The following BRINP2 variants were observed in gnomAD, a reference collection of about 807,000 sequenced individuals.
BRINP2 encodes BMP/retinoic acid inducible neural specific 2.
BRINP2 carries 21 observed loss-of-function variants against 69.2 expected under a neutral mutation model. The ratio of observed to expected loss-of-function variants is 0.30; its 90% CI spans 0.22 to 0.44. The LOEUF (loss-of-function observed/expected upper bound fraction) is 0.44, where lower values mean the gene tolerates loss of function less well. Among genes scored for constraint, BRINP2 ranks in the 20% least tolerant of loss-of-function variants. The pLI, the probability that BRINP2 is intolerant of heterozygous loss-of-function variation, is 1.00. For synonymous variants in BRINP2, 380 were observed against 394.1 expected, an observed-to-expected ratio of 0.96 and a Z score of 0.42; for missense variants, 877 against 986.0, an observed-to-expected ratio of 0.89 and a Z score of 1.48.
rs1651667336 is a variant in BRINP2 at position 177,280,682 on chromosome 1, T to C, written c.1506T>C (p.Phe502=). ...AGGTGGCCGAGTCCCTGGAAAACTT[T>C]CTTGGGCTGGAGACAGACTTGCAGG... ...RPEVAESLEN[F]LGLETDLQDL... Residue 502 remains phenylalanine (F), a synonymous_variant, in exon 8 of 8, where the codon TTT becomes TTC. Coordinates refer to ENST00000361539, the MANE Select transcript of BRINP2 (RefSeq NM_021165.4). 1.9e-6 allele frequency: 3 copies of C among 1,614,222 alleles called. No homozygotes were observed. Among genetic ancestry groups the C allele is most frequent in the Non-Finnish European group, 2.5e-6 (3 of 1,180,032 alleles).
At chr1:177,278,926 T>A in intron 7 of BRINP2, 141 bp downstream of exon 7, 2 of 752,764 alleles carry the variant, frequency 2.7e-6, no homozygotes, top group Non-Finnish European at 4.3e-6. Context: ...GACCTACTCA[T>A]GTGTGTCATT....
intron 1 of BRINP2, among the ~76,000 whole-genome samples, chr1:177,180,564 C>T (rs1648215947): frequency 6.6e-6 from 1 of 152,164 alleles, no homozygotes; most frequent in African/African-American, 2.4e-5. Context: ...TGGTTTTCAT[C>T]TCTCAAAAAA....
Position 177,255,962 on chromosome 1 carries a change from A to C in BRINP2, c.313A>C (p.Lys105Gln). ...WKVNNLALERKDFFSLPLPLA... is the reference protein window; with the variant it reads ...WKVNNLALERQDFFSLPLPLA... ...GGTGAACAACTTGGCTCTGGAAAGG[A>C]AGGACTTCTTCAGTTTGCCATTGCC... The change falls in exon 3 of 8, where the codon AAG becomes CAG. Residue 105 changes from lysine to glutamine, a missense_variant. Lys to Gln is a moderately conservative substitution (Grantham distance 53). Coordinates refer to ENST00000361539, the MANE Select transcript of BRINP2 (RefSeq NM_021165.4). 6.2e-6 allele frequency: 10 copies of C among 1,614,222 alleles called. No homozygotes were observed. Among genetic ancestry groups the C allele is most frequent in the Non-Finnish European group, 8.5e-6 (10 of 1,180,036 alleles).
At chr1:177,277,012 C>T (rs537998193) in intron 6 of BRINP2, among the ~76,000 whole-genome samples, 1 of 152,262 alleles carries the variant, frequency 6.6e-6, no homozygotes, top group South Asian at 2.1e-4. Context: ...GAATGGAAGG[C>T]TCACATGAGA....
intron 1 of BRINP2, among the ~76,000 whole-genome samples, chr1:177,220,483 T>C (rs1018013293): frequency 3.9e-5 from 6 of 152,146 alleles, no homozygotes; most frequent in Non-Finnish European, 5.9e-5. Context: ...CCATGTGATG[T>C]GCCTGTACCC....
At chr1:177,174,510 A>G (rs983221037) in intron 1 of BRINP2, among the ~76,000 whole-genome samples, 3 of 152,238 alleles carry the variant, frequency 2.0e-5, no homozygotes, top group African/African-American at 7.2e-5. Context: ...CAGAGAATTC[A>G]CAAGGCTGAC....
intron 2 of BRINP2, among the ~76,000 whole-genome samples, chr1:177,254,658 T>C (rs1423196038): frequency 9.9e-5 from 15 of 151,692 alleles, no homozygotes; most frequent in Admixed American, 6.6e-5. Context: ...CAAATTGTGA[T>C]TATTCAGACT....
intron 1 of BRINP2, among the ~76,000 whole-genome samples, chr1:177,189,746 A>C (rs1648533517): frequency 6.6e-6 from 1 of 152,204 alleles, no homozygotes; most frequent in South Asian, 2.1e-4. Flanking sequence ...TGATGGAGTA[A>C]GACATTGTGC....
At position 177,281,144 on chromosome 1, in the gene BRINP2, C is replaced by T; in HGVS notation, c.1968C>T (p.Ser656=). Residue 656 remains serine, a synonymous_variant, in exon 8 of 8, where the codon AGC becomes AGT. Transcript: ENST00000361539. ...LRSRIKSLDD[S]SNETIYYEPL... ...GCCGAATCAAGTCCCTGGATGACAG[C>T]TCCAATGAGACAATCTACTATGAGC... 1 of 1,614,238 alleles carries T rather than the reference C, an allele frequency of 6.2e-7. No individual in the cohort carries two copies. Among genetic ancestry groups the T allele is most frequent in the Non-Finnish European group, 8.5e-7 (1 of 1,180,044 alleles).
At chr1:177,223,257 CAGAG>C (rs1170972240) in intron 1 of BRINP2, among the ~76,000 whole-genome samples, 2 of 152,144 alleles carry the variant, frequency 1.3e-5, no homozygotes, top group African/African-American at 4.8e-5. Context: ...GGTTATCACA[CAGAG>C]AGACCTATAA....
At chr1:177,249,319 G>A (rs918948397) in intron 2 of BRINP2, among the ~76,000 whole-genome samples, 3 of 152,180 alleles carry the variant, frequency 2.0e-5, no homozygotes, top group African/African-American at 7.2e-5. Flanking sequence ...AAAATGGACT[G>A]AATTTTTGTT....
intron 2 of BRINP2, among the ~76,000 whole-genome samples, chr1:177,247,632 G>A (rs1348201111): frequency 6.6e-6 from 1 of 152,206 alleles, no homozygotes; most frequent in African/African-American, 2.4e-5. Flanking sequence ...AGTTGGAGGG[G>A]GTGCCCCCAA....
Position 177,171,544 on chromosome 1 carries a change from CGCTGAGG to C in BRINP2, c.-263_-257del, listed in dbSNP as rs1484614180. 1 of 153,338 alleles carries C rather than the reference CGCTGAGG, an allele frequency of 6.5e-6. No homozygotes were observed. The highest frequency in any genetic ancestry group is 2.4e-5 in the African/African-American group (1 of 41,416). 9.5% of individuals were successfully genotyped at this position (153,338 alleles called of 1,614,324 possible). ...AAAGAGACATCCGCTCCCTCTCACACGCTGAGGGGGAGGCATTCGCGTTTCCCCAAAT... is the reference window on the plus strand; with the variant it reads ...AAAGAGACATCCGCTCCCTCTCACACGGGAGGCATTCGCGTTTCCCCAAAT... On this transcript the variant is annotated 5_prime_UTR_variant, in exon 1 of 8. Coordinates refer to ENST00000361539, the MANE Select transcript of BRINP2 (RefSeq NM_021165.4).
intron 4 of BRINP2, among the ~76,000 whole-genome samples, chr1:177,259,046 G>C (rs1487733805): frequency 2.0e-5 from 3 of 152,220 alleles, no homozygotes; most frequent in Non-Finnish European, 4.4e-5. Context: ...CATGTCAGAA[G>C]CTGAGAAAGG....
chr1:177,223,655 A>G (rs1462749640), intron 1 of BRINP2, among the ~76,000 whole-genome samples: 1 of 152,194 alleles, frequency 6.6e-6, no homozygotes, highest in Non-Finnish European at 1.5e-5. Flanking sequence ...AAGTTCTTAA[A>G]TTAATGTAAG....
At chr1:177,240,680 T>C (rs1430771576) in intron 2 of BRINP2, among the ~76,000 whole-genome samples, 1 of 152,132 alleles carries the variant, frequency 6.6e-6, no homozygotes, top group African/African-American at 2.4e-5. Context: ...GATAGATGTG[T>C]GCATGTTGGT....
chr1:177,280,513 C>T lies in BRINP2; in HGVS notation c.1337C>T (p.Pro446Leu). 1 of 1,614,218 alleles carries T rather than the reference C, an allele frequency of 6.2e-7. No homozygotes were observed. Among genetic ancestry groups the T allele is most frequent in the Non-Finnish European group, 8.5e-7 (1 of 1,180,046 alleles). Residue 446 changes from proline to leucine, a missense_variant, in exon 8 of 8, where the codon CCC (proline) becomes CTC (leucine). Around this residue, in one of 3 missense-constraint regions of BRINP2, gnomAD observed 566 missense variants for 625.2 expected, o/e 0.91. Coordinates refer to ENST00000361539, the MANE Select transcript of BRINP2 (RefSeq NM_021165.4). ...GAACAGAGCCACAGCTGCACCTGCC[C>T]CTATGACCAATCTTCCTGCCAGGGC... is the stretch of plus-strand genomic sequence containing the variant. ...FLEQSHSCTCPYDQSSCQGPI... is the reference protein window; with the variant it reads ...FLEQSHSCTCLYDQSSCQGPI...
At chr1:177,186,081 G>A (rs1266746019) in intron 1 of BRINP2, among the ~76,000 whole-genome samples, 4 of 152,212 alleles carry the variant, frequency 2.6e-5, no homozygotes, top group African/African-American at 9.6e-5. Flanking sequence ...TAGCAATTAA[G>A]TGCAGAATCC....
chr1:177,240,575 C>CT (rs1206565028), intron 2 of BRINP2, among the ~76,000 whole-genome samples: 8 of 152,256 alleles, frequency 5.3e-5, no homozygotes, highest in African/African-American at 1.9e-4. Context: ...GAATGTTGGC[C>CT]TGGTTCATTG....
Sources: gnomAD v4.1 joint callset for allele counts (sites outside exome capture counted in the v4.1 genomes callset) on GRCh38, gnomAD v4.1.1 for gene constraint, gnomAD v4.1.1 regional missense constraint, MANE v1.5 for transcripts, NCBI Gene and HGNC (gene_info 2026-07-23, HGNC 2026-07-21) for gene names.